Variants in SNX7 observed in about 807,000 individuals in gnomAD.
SNX7 encodes the protein sorting nexin-7.
Under a neutral mutation model 48.4 loss-of-function variants are expected in SNX7, and 35 were observed. The ratio of observed to expected loss-of-function variants is 0.72; its 90% confidence interval spans 0.55 to 0.96. The LOEUF (loss-of-function observed/expected upper bound fraction) is 0.96, where lower values mean the gene tolerates loss of function less well. SNX7 is among the 40% of genes least tolerant of loss of function. The pLI, the probability that SNX7 is intolerant of heterozygous loss-of-function variation, is 0.00. For synonymous variants in SNX7, 190 were observed against 190.2 expected (o/e 1.00, Z 0.01); for missense variants, 553 against 548.9 (o/e 1.01, Z -0.07).
intron 4 of SNX7, among the ~76,000 whole-genome samples, chr1:98,692,827 A>C (rs1017949898): frequency 6.6e-6 from 1 of 152,198 alleles, no homozygotes; most frequent in Admixed American, 6.5e-5. Flanking sequence ...TGTAAGTCAA[A>C]ATATGTGCAT....
chr1:98,692,650 C>T (rs1431469571), intron 4 of SNX7, among the ~76,000 whole-genome samples: 3 of 152,094 alleles, frequency 2.0e-5, no homozygotes, highest in African/African-American at 7.2e-5. Flanking sequence ...CGTCACATGG[C>T]ATTTTAAGCA....
chr1:98,710,921 C>G (rs1652267285), intron 7 of SNX7, among the ~76,000 whole-genome samples: 1 of 152,086 alleles, frequency 6.6e-6, no homozygotes, highest in Non-Finnish European at 1.5e-5. Context: ...GTTTATATAT[C>G]TAGGACTTGT....
rs1446775030 is a variant in SNX7 at position 98,695,661 on chromosome 1, C to A, written c.783C>A (p.Ser261Arg). The change falls in exon 5 of 9, where the codon AGC (serine) becomes AGA (arginine). Residue 261 changes from serine (S) to arginine (R), a missense_variant. Physicochemically the swap from Ser to Arg is moderately radical, Grantham distance 110. Transcript: ENST00000306121. ...TGAATAACTTTATTGAACTATTTAGCCAGAAAATAAATTTGATAGATAAAA... is the reference window on the plus strand; with the variant it reads ...TGAATAACTTTATTGAACTATTTAGACAGAAAATAAATTTGATAGATAAAA... ...MEMNNFIELF[S>R]QKINLIDKIS... 2 of 1,605,436 alleles carry A rather than the reference C, an allele frequency of 1.2e-6. No individual in the cohort carries two copies. Among genetic ancestry groups the A allele is most frequent in the Non-Finnish European group, 1.7e-6 (2 of 1,172,356 alleles).
At chr1:98,701,361 T>G (rs1156633057) in intron 6 of SNX7, among the ~76,000 whole-genome samples, 1 of 152,170 alleles carries the variant, frequency 6.6e-6, no homozygotes, top group African/African-American at 2.4e-5. Context: ...ATTTCCTGTT[T>G]GATTATCTGA....
intron 1 of SNX7, among the ~76,000 whole-genome samples, chr1:98,670,606 G>C (rs1219677818): frequency 6.6e-6 from 1 of 152,198 alleles, no homozygotes; most frequent in African/African-American, 2.4e-5. Flanking sequence ...AACATGTACA[G>C]GTTTGTAGCC....
At chr1:98,689,909 GT>G (rs1651021826) in intron 2 of SNX7, among the ~76,000 whole-genome samples, 1 of 152,164 alleles carries the variant, frequency 6.6e-6, no homozygotes, top group South Asian at 2.1e-4. Context: ...TGAACATTTA[GT>G]TTCTTAGATT....
intron 7 of SNX7, among the ~76,000 whole-genome samples, chr1:98,706,159 C>T (rs1264585484): frequency 1.3e-5 from 2 of 151,944 alleles, no homozygotes; most frequent in Non-Finnish European, 2.9e-5. Context: ...GAAACCAGGT[C>T]CTCATGAGGC....
rs183550714 is a variant in SNX7, at chr1:98,691,488, C to G, written c.475-47C>G. The G allele has an allele frequency of 8.2e-6, 12 of 1,471,114 alleles. No homozygotes were observed. The East Asian group carries it at 2.4e-4, about 29-fold the overall frequency. The allele number at this position is 1,471,114 out of a possible 1,614,324, so 91.1% of individuals were successfully genotyped here. A position where few individuals can be genotyped will look rare whatever the true frequency, so the allele number is the denominator to read the frequency against. On this transcript the variant is annotated intron_variant, in intron 3 of 8. Transcript: ENST00000306121. Reference sequence around the variant, plus strand: ...GGAAAGCGTAGAATTGCTTATAAACCTATGGCTAATAATACTTGAATACCT... The same window carrying G: ...GGAAAGCGTAGAATTGCTTATAAACGTATGGCTAATAATACTTGAATACCT...
chr1:98,663,102 C>G (rs1056570244), intron 1 of SNX7, among the ~76,000 whole-genome samples: 1 of 152,106 alleles, frequency 6.6e-6, no homozygotes, highest in African/African-American at 2.4e-5. Flanking sequence ...TTCAGATCAA[C>G]GACAGTTGGC....
chr1:98,720,025 C>A (rs1418381669), intron 7 of SNX7, among the ~76,000 whole-genome samples: 2 of 151,410 alleles, frequency 1.3e-5, no homozygotes, highest in African/African-American at 4.8e-5. Flanking sequence ...TTGATGCTGC[C>A]TTCGAAATAT....
chr1:98,747,487 T>C (rs997973156), intron 8 of SNX7, among the ~76,000 whole-genome samples: 4 of 152,304 alleles, frequency 2.6e-5, no homozygotes, highest in Middle Eastern at 3.4e-3. Context: ...GATTTGCATG[T>C]GGCATGAATT....
chr1:98,724,697 T>C (rs956306194), intron 7 of SNX7, among the ~76,000 whole-genome samples: 3 of 152,000 alleles, frequency 2.0e-5, no homozygotes, highest in Non-Finnish European at 4.4e-5. Flanking sequence ...ATAGTCAACA[T>C]GGGTGGCTCT....
chr1:98,753,321 C>T (rs915974095), intron 8 of SNX7, among the ~76,000 whole-genome samples: 5 of 152,016 alleles, frequency 3.3e-5, no homozygotes, highest in Admixed American at 2.0e-4. Flanking sequence ...TCTGTCTTAC[C>T]ATGTTTTACT....
intron 7 of SNX7, among the ~76,000 whole-genome samples, chr1:98,735,591 G>A (rs1313915798): frequency 2.6e-5 from 4 of 152,086 alleles, no homozygotes; most frequent in African/African-American, 9.7e-5. Flanking sequence ...TAAAATACTG[G>A]AAGAAGACAG....
At chr1:98,681,601 C>T (rs183199047) in intron 1 of SNX7, among the ~76,000 whole-genome samples, 1 of 152,056 alleles carries the variant, frequency 6.6e-6, no homozygotes, top group Non-Finnish European at 1.5e-5. Context: ...GAAACATTGC[C>T]TATAAAGTAG....
chr1:98,692,192 T>C (rs544451734), intron 4 of SNX7, among the ~76,000 whole-genome samples: 1 of 152,242 alleles, frequency 6.6e-6, no homozygotes, highest in South Asian at 2.1e-4. Context: ...AAACAGTTGG[T>C]TAACACATAT....
intron 1 of SNX7, among the ~76,000 whole-genome samples, chr1:98,664,115 T>G (rs1649415536): frequency 6.6e-6 from 1 of 152,208 alleles, no homozygotes; most frequent in East Asian, 1.9e-4. Flanking sequence ...AATCTCACAA[T>G]TACTTATGAA....
intron 7 of SNX7, among the ~76,000 whole-genome samples, chr1:98,726,508 G>A (rs1364097150): frequency 6.6e-6 from 1 of 152,112 alleles, no homozygotes; most frequent in Non-Finnish European, 1.5e-5. Context: ...ATGTAAAAAT[G>A]TCCTGGAAAT....
At chr1:98,668,077 A>G (rs1055527369) in intron 1 of SNX7, among the ~76,000 whole-genome samples, 4 of 152,134 alleles carry the variant, frequency 2.6e-5, no homozygotes, top group Non-Finnish European at 4.4e-5. Flanking sequence ...GAGGAAGTCT[A>G]GGTAGGTGAA....
Sources: allele counts gnomAD v4.1 joint callset (sites outside exome capture counted in the v4.1 genomes callset), GRCh38; gene constraint gnomAD v4.1.1; transcripts MANE v1.5; gene names NCBI Gene and HGNC (gene_info 2026-07-23, HGNC 2026-07-21).